TPTE2: variants seen among roughly 807,000 people sequenced by gnomAD.
TPTE2 encodes transmembrane phosphoinositide 3-phosphatase and tensin homolog 2, also known as phosphatidylinositol 3,4,5-trisphosphate 3-phosphatase TPTE2.
A neutral mutation model predicts 78.6 loss-of-function variants in TPTE2; 53 were observed. The observed-to-expected ratio is 0.67, with a 90% confidence interval of 0.54 to 0.85. TPTE2 has a LOEUF of 0.85. Ranked by LOEUF, TPTE2 falls within the 40% of genes least tolerant of loss-of-function variation. The probability of loss-of-function intolerance (pLI) is 0.00; values close to 1 mark genes in which losing one functional copy is unlikely to be tolerated. For synonymous variants in TPTE2, 175 were observed against 206.2 expected (o/e 0.85, Z 1.30); for missense variants, 461 against 623.0 (o/e 0.74, Z 2.77).
the TPTE2 span, among the ~76,000 whole-genome samples, chr13:19,544,770 C>T: frequency 7.9e-5 from 12 of 152,194 alleles, no homozygotes; most frequent in East Asian, 5.8e-4. Flanking sequence ...TGGTGGCATG[C>T]GCCTGTCACC....
the TPTE2 span, among the ~76,000 whole-genome samples, chr13:19,545,259 G>A: frequency 6.6e-6 from 1 of 152,218 alleles, no homozygotes; most frequent in Middle Eastern, 3.4e-3. Context: ...AGAGGAATCA[G>A]GTACCATTGA....
rs1380499228 is a variant in TPTE2, at chr13:19,465,562, C to T, written c.515G>A (p.Trp172Ter). The change falls in exon 8 of 20, where the codon TGG becomes TAG. Residue 172 changes from tryptophan to a stop codon, truncating the protein, a stop_gained and splice_region_variant. Coordinates refer to ENST00000400230, the Ensembl canonical transcript of TPTE2. LOFTEE classifies it high-confidence loss of function. Reference sequence around the variant, plus strand: ...TCGTAGAAGTCGAACTAAATGTGTCCATCTAACAATAAATTTAAAAGATCC... The same window carrying T: ...TCGTAGAAGTCGAACTAAATGTGTCTATCTAACAATAAATTTAAAAGATCC... 6.3e-7 allele frequency: 1 copy of T among 1,583,778 alleles called. No homozygotes were observed. The highest frequency in any genetic ancestry group is 2.2e-5 in the East Asian group (1 of 44,712).
At chr13:19,504,223 A>G (rs1373308508), upstream of TPTE2, among the ~76,000 whole-genome samples, 1 of 152,136 alleles carries the variant, frequency 6.6e-6, no homozygotes, top group East Asian at 1.9e-4. Flanking sequence ...GTTCTTTACA[A>G]TTGAAGGAAG....
chr13:19,536,800 T>A (rs1198906304), upstream of TPTE2: 1 of 151,998 alleles, frequency 6.6e-6, no homozygotes, highest in African/African-American at 2.4e-5. Context: ...TGCAAGAGGT[T>A]TTTTTGGGGG....
chr13:19,495,798 T>C (rs1453736347), intron 1 of TPTE2, among the ~76,000 whole-genome samples: 9 of 152,218 alleles, frequency 5.9e-5, no homozygotes, highest in Non-Finnish European at 1.3e-4. Flanking sequence ...TGTAACTTCC[T>C]AGACTTAAGA....
At chr13:19,435,391 T>C (rs1163438790) in intron 15 of TPTE2, among the ~76,000 whole-genome samples, 2 of 152,166 alleles carry the variant, frequency 1.3e-5, no homozygotes, top group Non-Finnish European at 2.9e-5. Flanking sequence ...AAATTTCCTT[T>C]ACAATAACTC....
chr13:19,527,643 G>A (rs1210399317), intron 1 of TPTE2, among the ~76,000 whole-genome samples: 6 of 152,120 alleles, frequency 3.9e-5, no homozygotes, highest in Admixed American at 1.3e-4. Flanking sequence ...GGGAGACCAA[G>A]GCAGGCACAT....
chr13:19,514,592 A>AGAGTGT (rs542178212), intron 1 of TPTE2, among the ~76,000 whole-genome samples: 1 of 126,822 alleles, frequency 7.9e-6, no homozygotes, highest in Admixed American at 8.7e-5. Context: ...TACTTCTGAG[A>AGAGTGT]GTGTGTGTGT....
intron 17 of TPTE2, among the ~76,000 whole-genome samples, chr13:19,429,480 T>C (rs1566035340): frequency 6.6e-6 from 1 of 152,196 alleles, no homozygotes; most frequent in Non-Finnish European, 1.5e-5. Context: ...GGCGAATGCA[T>C]TTGAGTTGGA....
intron 17 of TPTE2, among the ~76,000 whole-genome samples, chr13:19,429,464 G>C (rs1350550844): frequency 2.0e-5 from 3 of 152,232 alleles, no homozygotes; most frequent in South Asian, 4.1e-4. Context: ...CTTGATAACT[G>C]AGACTGGCGA....
intron 16 of TPTE2, among the ~76,000 whole-genome samples, chr13:19,430,823 G>GA (rs1450761796): frequency 6.6e-6 from 1 of 151,968 alleles, no homozygotes; most frequent in Non-Finnish European, 1.5e-5. Context: ...TATCTTTCCA[G>GA]AAAAAATATT....
Position 19,526,413 on chromosome 13 carries a change from G to T in TPTE2, c.-44+10183C>A, listed in dbSNP as rs1393519557. The stretch of plus-strand genomic sequence containing the variant: ...ATCCAGCCTAAAAGCCTAAAAGCCT[G>T]GAGGCCATCCAGCTCCAGCTTAAAA... On this transcript the variant is annotated intron_variant, in intron 1 of 17. Transcript: ENST00000390680. Among the ~76,000 whole-genome samples the T allele has an allele frequency of 2.0e-5, 3 of 150,724 alleles. 1 individual carries two copies. Among genetic ancestry groups the T allele is most frequent in the Admixed American group, 6.6e-5 (1 of 15,220 alleles).
chr13:19,454,167 C>T (rs1393010931), intron 10 of TPTE2, among the ~76,000 whole-genome samples: 8 of 152,312 alleles, frequency 5.3e-5, no homozygotes, highest in Non-Finnish European at 1.0e-4. Flanking sequence ...CAGCATCTGA[C>T]ACTTCTCCAC....
At chr13:19,489,252 G>T (rs1322526506) in intron 3 of TPTE2, among the ~76,000 whole-genome samples, 1 of 152,106 alleles carries the variant, frequency 6.6e-6, no homozygotes, top group Non-Finnish European at 1.5e-5. Flanking sequence ...ATTAAAATGT[G>T]ACAGAGACAC....
the TPTE2 span, chr13:19,560,514 C>A: frequency 2.5e-6 from 4 of 1,589,152 alleles, no homozygotes; most frequent in Middle Eastern, 4.4e-4. Flanking sequence ...GTACTGACAT[C>A]TGGTCAGACA....
At chr13:19,456,278 C>T (rs1347434512) in intron 10 of TPTE2, among the ~76,000 whole-genome samples, 3 of 151,940 alleles carry the variant, frequency 2.0e-5, no homozygotes, top group Admixed American at 6.6e-5. Flanking sequence ...GAGTTCAAGA[C>T]CAGCTTGGGT....
Position 19,520,430 on chromosome 13 carries a change from G to C in TPTE2, c.-44+16166C>G, listed in dbSNP as rs1337848565. Reference sequence around the variant, plus strand: ...ATAATCTTTACCAGATTATCTAAGAGTTTAGGTTTTTTGTTGTTGTTGTTG... The same window carrying C: ...ATAATCTTTACCAGATTATCTAAGACTTTAGGTTTTTTGTTGTTGTTGTTG... On this transcript the variant is annotated intron_variant, in intron 1 of 17. Coordinates refer to the TPTE2 transcript ENST00000390680. Among the ~76,000 whole-genome samples the C allele has an allele frequency of 4.6e-5, 7 of 151,808 alleles. No individual in the cohort carries two copies. In the East Asian group the frequency reaches 1.3e-3, roughly 29 times the overall value.
At chr13:19,541,316 G>C (rs1871430826), upstream of TPTE2, among the ~76,000 whole-genome samples, 1 of 152,162 alleles carries the variant, frequency 6.6e-6, no homozygotes, top group Admixed American at 6.5e-5. Flanking sequence ...AATCAAAGCA[G>C]TGACTACCCC....
At chr13:19,527,991 G>A (rs1390293085) in intron 1 of TPTE2, among the ~76,000 whole-genome samples, 2 of 152,184 alleles carry the variant, frequency 1.3e-5, no homozygotes, top group Non-Finnish European at 2.9e-5. Context: ...TGGGGTTTCA[G>A]GACTGGATAA....
Sources: gnomAD v4.1 joint callset for allele counts (sites outside exome capture counted in the v4.1 genomes callset) on GRCh38, gnomAD v4.1.1 for gene constraint, MANE v1.5 for transcripts, NCBI Gene and HGNC (gene_info 2026-07-23, HGNC 2026-07-21) for gene names.